The following CSMD1 variants were observed in gnomAD, a reference collection of about 807,000 sequenced individuals.
CSMD1 encodes the protein CUB and sushi domain-containing protein 1.
CSMD1 carries 213 observed loss-of-function variants against 417.5 expected under a neutral mutation model. The observed-to-expected ratio is 0.51, with a 90% CI of 0.46 to 0.57. The LOEUF (loss-of-function observed/expected upper bound fraction) is 0.57, where lower values mean the gene tolerates loss of function less well. Among genes scored for constraint, CSMD1 ranks in the 20% least tolerant of loss-of-function variants. CSMD1 has a pLI of 0.00. For synonymous variants in CSMD1, 2,862 were observed against 1,736.8 expected, an observed-to-expected ratio of 1.65 and a Z score of -16.11; for missense variants, 6,923 against 4,529.7, an observed-to-expected ratio of 1.53 and a Z score of -15.17.
intron 5 of CSMD1, among the ~76,000 whole-genome samples, chr8:3,902,244 C>T (rs1219768264): frequency 6.6e-6 from 1 of 152,164 alleles, no homozygotes; most frequent in Non-Finnish European, 1.5e-5. Context: ...CACCTCCCAA[C>T]CCACATTCTA....
intron 10 of CSMD1, among the ~76,000 whole-genome samples, chr8:3,527,460 G>A (rs1033196239): frequency 2.0e-5 from 3 of 152,160 alleles, no homozygotes; most frequent in Non-Finnish European, 2.9e-5. Context: ...CTGTGTGGGC[G>A]AGGGTGGGAT....
At chr8:2,955,371 G>C (rs1388067643) in intron 64 of CSMD1, among the ~76,000 whole-genome samples, 1 of 152,034 alleles carries the variant, frequency 6.6e-6, no homozygotes, top group Non-Finnish European at 1.5e-5. Context: ...CATACTAATT[G>C]TACTATATAT....
intron 5 of CSMD1, among the ~76,000 whole-genome samples, chr8:3,854,140 T>G (rs1217986706): frequency 1.5e-5 from 2 of 132,820 alleles, no homozygotes; most frequent in Non-Finnish European, 3.1e-5. Context: ...ATATAAACTC[T>G]ATTAAAGTAT....
chr8:3,926,821 T>A (rs1223142447), intron 5 of CSMD1, among the ~76,000 whole-genome samples: 2 of 145,012 alleles, frequency 1.4e-5, no homozygotes, highest in African/African-American at 5.1e-5. Flanking sequence ...GTTCAAGCAA[T>A]TCCCCTGCCT....
intron 25 of CSMD1, among the ~76,000 whole-genome samples, chr8:3,304,622 G>C (rs62504391): frequency 0.083 from 12,678 of 152,158 alleles, 666 homozygotes; most frequent in Non-Finnish European, 0.12. Context: ...TTATAAATTT[G>C]ATAGTGTGTA....
chr8:3,505,856 A>C (rs1181530652), intron 10 of CSMD1, among the ~76,000 whole-genome samples: 3 of 152,208 alleles, frequency 2.0e-5, no homozygotes, highest in Non-Finnish European at 4.4e-5. Context: ...AACTTGGCTG[A>C]AAGGTGAACT....
chr8:3,365,069 A>C (rs1164963989), intron 20 of CSMD1, among the ~76,000 whole-genome samples: 1 of 152,232 alleles, frequency 6.6e-6, no homozygotes, highest in Non-Finnish European at 1.5e-5. Context: ...TGATGAAAGT[A>C]AGAACTGGAG....
At chr8:3,543,315 G>C (rs1420684683) in intron 10 of CSMD1, among the ~76,000 whole-genome samples, 1 of 152,150 alleles carries the variant, frequency 6.6e-6, no homozygotes, top group Admixed American at 6.5e-5. Context: ...ATGTTTTTAG[G>C]GAGTGAGGTG....
chr8:4,179,562 G>C (rs1298875909), intron 3 of CSMD1, among the ~76,000 whole-genome samples: 1 of 150,200 alleles, frequency 6.7e-6, no homozygotes, highest in Non-Finnish European at 1.5e-5. Flanking sequence ...GACAACAAAA[G>C]ACAAAATTGA....
intron 49 of CSMD1, among the ~76,000 whole-genome samples, chr8:3,063,806 C>T (rs1308171680): frequency 6.6e-6 from 1 of 152,030 alleles, no homozygotes; most frequent in Non-Finnish European, 1.5e-5. Flanking sequence ...AAAATGATGG[C>T]TTGTAGGGGC....
chr8:4,625,848 C>T (rs1175189799), intron 2 of CSMD1, among the ~76,000 whole-genome samples: 2 of 152,050 alleles, frequency 1.3e-5, no homozygotes, highest in Non-Finnish European at 1.5e-5. Context: ...CTGAGCCTCC[C>T]GAGTAGCAGG....
intron 8 of CSMD1, chr8:3,598,199 G>C (rs554546080): frequency 6.6e-6 from 1 of 152,202 alleles, no homozygotes; most frequent in African/African-American, 2.4e-5. Context: ...TCAGAAAAGA[G>C]GGTGTCTAGG....
At chr8:3,689,990 T>C (rs1800152274) in intron 7 of CSMD1, among the ~76,000 whole-genome samples, 1 of 152,250 alleles carries the variant, frequency 6.6e-6, no homozygotes, top group Non-Finnish European at 1.5e-5. Context: ...ATGCCTAATA[T>C]TTTAACAAGG....
At chr8:3,224,017 C>G (rs540810753) in intron 27 of CSMD1, 150 bp from the exon 28 acceptor site, 2 of 648,948 alleles carry the variant, frequency 3.1e-6, no homozygotes, top group African/African-American at 3.6e-5. Context: ...ATCAATTATC[C>G]TGATAAAATT....
chr8:3,767,278 G>A (rs989381199), intron 5 of CSMD1, among the ~76,000 whole-genome samples: 5 of 152,188 alleles, frequency 3.3e-5, no homozygotes, highest in African/African-American at 1.2e-4. Flanking sequence ...CTTTCTCCCC[G>A]ACCTGCACAC....
intron 10 of CSMD1, among the ~76,000 whole-genome samples, chr8:3,546,255 A>G (rs76208475): frequency 0.051 from 7,192 of 142,014 alleles, 492 homozygotes; most frequent in African/African-American, 0.16. Context: ...GGCCACGTGA[A>G]TTTTTCCTCT....
At chr8:3,088,002 C>G (rs1404832123) in intron 48 of CSMD1, among the ~76,000 whole-genome samples, 1 of 152,168 alleles carries the variant, frequency 6.6e-6, no homozygotes, top group East Asian at 1.9e-4. Context: ...AACTTCTGGA[C>G]TGTACAATGA....
intron 5 of CSMD1, among the ~76,000 whole-genome samples, chr8:3,845,090 T>C (rs546554281): frequency 5.3e-5 from 8 of 152,354 alleles, no homozygotes; most frequent in South Asian, 4.1e-4. Context: ...AATGCATACA[T>C]ATATTTAGAA....
At chr8:4,224,386 C>G (rs1801221811) in intron 3 of CSMD1, among the ~76,000 whole-genome samples, 1 of 152,104 alleles carries the variant, frequency 6.6e-6, no homozygotes, top group Non-Finnish European at 1.5e-5. Flanking sequence ...ATTTTGATGC[C>G]AATTCAACTT....
Sources: gnomAD v4.1 joint callset for allele counts (sites outside exome capture counted in the v4.1 genomes callset) on GRCh38, gnomAD v4.1.1 for gene constraint, MANE v1.5 for transcripts, NCBI Gene and HGNC (gene_info 2026-07-23, HGNC 2026-07-21) for gene names.